Variants in NWD2 observed in about 807,000 individuals in gnomAD.
NWD2 encodes the protein NACHT and WD repeat domain containing 2, also known as NACHT and WD repeat domain-containing protein 2.
Under a neutral mutation model 132.7 loss-of-function variants are expected in NWD2, and 37 were observed. That is an observed-to-expected ratio of 0.28 (90% CI 0.21 to 0.37). The LOEUF (loss-of-function observed/expected upper bound fraction) is 0.37, where lower values mean the gene tolerates loss of function less well. Ranked by LOEUF, NWD2 falls within the 10% of genes least tolerant of loss-of-function variation. The probability of loss-of-function intolerance (pLI) is 1.00; values close to 1 mark genes in which losing one functional copy is unlikely to be tolerated. For synonymous variants in NWD2, 705 were observed against 803.0 expected, an observed-to-expected ratio of 0.88 and a Z score of 2.06; for missense variants, 1,592 against 2,122.4, an observed-to-expected ratio of 0.75 and a Z score of 4.91.
At chr4:37,442,206 C>A (rs1712503665) in intron 6 of NWD2, among the ~76,000 whole-genome samples, 1 of 152,160 alleles carries the variant, frequency 6.6e-6, no homozygotes, top group Non-Finnish European at 1.5e-5. Flanking sequence ...CACAAACTTA[C>A]CTCCTAATGT....
intron 1 of NWD2, among the ~76,000 whole-genome samples, chr4:37,296,449 A>C (rs530595365): frequency 5.3e-4 from 81 of 152,322 alleles, no homozygotes; most frequent in African/African-American, 1.9e-3. Context: ...CCAAGTGCCC[A>C]TCAGCTGATG....
At chr4:37,414,459 C>T (rs73228708) in intron 3 of NWD2, among the ~76,000 whole-genome samples, 368 of 150,340 alleles carry the variant, frequency 2.4e-3, no homozygotes, top group Non-Finnish European at 4.1e-3. Context: ...CTCAGCCAGC[C>T]CTGAAAAAAA....
chr4:37,396,638 A>G (rs10856830), intron 3 of NWD2, among the ~76,000 whole-genome samples: 60,351 of 152,034 alleles, frequency 0.4, 12,303 homozygotes, highest in Non-Finnish European at 0.43. Flanking sequence ...TCTTCAGCTC[A>G]ACAGGTCTCA....
rs528650629 is a variant in NWD2, at chr4:37,351,601, A to G, written c.241-4765A>G. Reference sequence around the variant, plus strand: ...TATTAATCTGGCTAGCAGTCTATCAATTTTGTTAATCTTTTCAAAAAAACA... The same window carrying G: ...TATTAATCTGGCTAGCAGTCTATCAGTTTTGTTAATCTTTTCAAAAAAACA... On this transcript the variant is annotated intron_variant, in intron 2 of 6. Transcript: ENST00000309447. Among the ~76,000 whole-genome samples the G allele has an allele frequency of 7.3e-5, 11 of 151,260 alleles. No homozygotes were observed. The South Asian group carries it at 8.4e-4, about 12-fold the overall frequency.
At chr4:37,253,306 C>T (rs1030387140) in intron 1 of NWD2, among the ~76,000 whole-genome samples, 5 of 152,118 alleles carry the variant, frequency 3.3e-5, no homozygotes, top group Middle Eastern at 3.2e-3. Flanking sequence ...TGGAGAATGC[C>T]TTCATGCATC....
At chr4:37,300,429 T>A (rs1016898185) in intron 1 of NWD2, among the ~76,000 whole-genome samples, 1 of 152,146 alleles carries the variant, frequency 6.6e-6, no homozygotes, top group Non-Finnish European at 1.5e-5. Flanking sequence ...CTGAAAGGCC[T>A]CATATAGATC....
intron 4 of NWD2, among the ~76,000 whole-genome samples, chr4:37,431,340 T>C (rs184513783): frequency 6.6e-6 from 1 of 152,324 alleles, no homozygotes; most frequent in Non-Finnish European, 1.5e-5. Context: ...ATTCAGTCTT[T>C]TTAAAAGAAA....
intron 3 of NWD2, among the ~76,000 whole-genome samples, chr4:37,387,460 C>A (rs1720585881): frequency 6.6e-6 from 1 of 151,846 alleles, no homozygotes; most frequent in African/African-American, 2.4e-5. Flanking sequence ...TAGATCTAAG[C>A]TTCCTGGTTC....
At chr4:37,352,548 G>T (rs900634051) in intron 2 of NWD2, among the ~76,000 whole-genome samples, 3 of 152,200 alleles carry the variant, frequency 2.0e-5, no homozygotes, top group Non-Finnish European at 4.4e-5. Flanking sequence ...GGGTGCTCCT[G>T]TATTGGGTGC....
At chr4:37,380,653 A>G (rs1193677098) in intron 3 of NWD2, among the ~76,000 whole-genome samples, 1 of 152,228 alleles carries the variant, frequency 6.6e-6, no homozygotes, top group Non-Finnish European at 1.5e-5. Flanking sequence ...TTTCATGAAT[A>G]GTCTACATTA....
At chr4:37,366,001 A>G (rs935893386) in intron 3 of NWD2, among the ~76,000 whole-genome samples, 76 of 152,228 alleles carry the variant, frequency 5.0e-4, no homozygotes, top group African/African-American at 1.8e-3. Context: ...ATGTTTTTAA[A>G]AAGACAGTAG....
chr4:37,335,236 C>T (rs1321300717), intron 2 of NWD2, among the ~76,000 whole-genome samples: 1 of 137,816 alleles, frequency 7.3e-6, no homozygotes, highest in African/African-American at 2.8e-5. Flanking sequence ...TTTGGTTCAC[C>T]AGATGTGTTT....
intron 3 of NWD2, among the ~76,000 whole-genome samples, chr4:37,414,694 C>T (rs1315367119): frequency 6.6e-6 from 1 of 152,132 alleles, no homozygotes; most frequent in Admixed American, 6.5e-5. Context: ...GGAAAAATCA[C>T]ATCTTATAGC....
At chr4:37,310,406 C>T (rs573850185) in intron 1 of NWD2, among the ~76,000 whole-genome samples, 3 of 151,974 alleles carry the variant, frequency 2.0e-5, no homozygotes, top group African/African-American at 4.8e-5. Flanking sequence ...CTAACTTACC[C>T]CTCTTTCCCT....
intron 2 of NWD2, among the ~76,000 whole-genome samples, chr4:37,333,218 G>C (rs933722240): frequency 1.3e-5 from 2 of 152,170 alleles, no homozygotes; most frequent in East Asian, 1.9e-4. Context: ...CCTGCTGACT[G>C]TAAAGCCCTT....
intron 1 of NWD2, among the ~76,000 whole-genome samples, chr4:37,247,944 C>T (rs1717278983): frequency 6.6e-6 from 1 of 152,126 alleles, no homozygotes; most frequent in Non-Finnish European, 1.5e-5. Flanking sequence ...ATTACTTTCC[C>T]ATATATTAGT....
At chr4:37,304,038 C>G (rs1430133292) in intron 1 of NWD2, among the ~76,000 whole-genome samples, 2 of 152,142 alleles carry the variant, frequency 1.3e-5, no homozygotes, top group East Asian at 3.9e-4. Flanking sequence ...AAAGAACTAC[C>G]TGAGACTGGG....
chr4:37,342,073 T>A (rs1447716818), intron 2 of NWD2, among the ~76,000 whole-genome samples: 1 of 152,150 alleles, frequency 6.6e-6, no homozygotes, highest in Admixed American at 6.5e-5. Context: ...ACGGTTTGGA[T>A]GTTTATCCCC....
intron 1 of NWD2, among the ~76,000 whole-genome samples, chr4:37,267,739 T>A (rs1016098344): frequency 5.9e-5 from 9 of 152,012 alleles, no homozygotes; most frequent in African/African-American, 2.2e-4. Context: ...TGCCAGGAAT[T>A]AATATTATTA....
Sources: allele counts gnomAD v4.1 joint callset (sites outside exome capture counted in the v4.1 genomes callset), GRCh38; gene constraint gnomAD v4.1.1; transcripts MANE v1.5; gene names NCBI Gene and HGNC (gene_info 2026-07-23, HGNC 2026-07-21).